Variants in GRIK3 observed in about 807,000 individuals in gnomAD.
GRIK3 encodes glutamate receptor ionotropic, kainate 3.
In GRIK3, 29 loss-of-function variants were observed where a neutral mutation model predicts 102.5. The observed-to-expected ratio is 0.28, with a 90% CI of 0.21 to 0.39. GRIK3 has a LOEUF of 0.39. Among genes scored for constraint, GRIK3 ranks in the 10% least tolerant of loss-of-function variants. The pLI is 1.00. For missense variants in GRIK3, 908 were observed against 1,252.4 expected (o/e 0.73, Z 4.15); for synonymous variants, 511 against 504.9 (o/e 1.01, Z -0.16).
Position 37,008,375 on chromosome 1 carries a change from G to T in GRIK3, c.115+25619C>A, listed in dbSNP as rs187427683. Among the ~76,000 whole-genome samples the T allele has an allele frequency of 4.8e-4, 73 of 152,344 alleles. 1 individual carries two copies. The highest frequency in any genetic ancestry group is 4.4e-3 in the Admixed American group (68 of 15,308). ...GTGAGGACTGAAATGATTGCATAAA[G>T]AAATCGCCCAGGACAGTGCCTTCAC... On this transcript the variant is annotated intron_variant, in intron 1 of 15. Coordinates refer to ENST00000373091, the MANE Select transcript of GRIK3 (RefSeq NM_000831.4).
At chr1:36,883,853 T>G (rs915129041) in intron 2 of GRIK3, among the ~76,000 whole-genome samples, 5 of 152,236 alleles carry the variant, frequency 3.3e-5, no homozygotes, top group African/African-American at 7.2e-5. Flanking sequence ...TGTTTCCTGT[T>G]GACTCACATC....
intron 4 of GRIK3, among the ~76,000 whole-genome samples, chr1:36,870,642 C>A (rs1640832717): frequency 6.6e-6 from 1 of 152,218 alleles, no homozygotes; most frequent in Non-Finnish European, 1.5e-5. Flanking sequence ...TCATTTAAAT[C>A]TGGCTTTGGC....
rs180912263 is a variant in GRIK3, at chr1:36,834,568, C to G, written c.1530+7168G>C. Among the ~76,000 whole-genome samples, 441 of 152,240 alleles carry G rather than the reference C, an allele frequency of 2.9e-3. 2 individuals are homozygous for G. Among genetic ancestry groups the G allele is most frequent in the Non-Finnish European group, 4.5e-3 (307 of 68,008 alleles). Reference sequence around the variant, plus strand: ...GCCTCCTGAGCTGATGGATGTCTGACAGTGAGAAAGGATGGGTGTGCCTCT... The same window carrying G: ...GCCTCCTGAGCTGATGGATGTCTGAGAGTGAGAAAGGATGGGTGTGCCTCT... On this transcript the variant is annotated intron_variant, in intron 10 of 15. Transcript: ENST00000373091.
intron 9 of GRIK3, among the ~76,000 whole-genome samples, chr1:36,846,520 T>A (rs1640521566): frequency 1.3e-5 from 2 of 152,108 alleles, no homozygotes; most frequent in South Asian, 4.2e-4. Context: ...CAGTTTGATG[T>A]TGTGTACTGG....
intron 13 of GRIK3, among the ~76,000 whole-genome samples, chr1:36,814,174 G>A (rs1400692001): frequency 6.6e-6 from 1 of 152,138 alleles, no homozygotes; most frequent in Non-Finnish European, 1.5e-5. Context: ...GCTCGGTGGG[G>A]AGCTGGGGCT....
chr1:36,879,835 TCTC>T (rs541260115), intron 3 of GRIK3, among the ~76,000 whole-genome samples: 127 of 152,220 alleles, frequency 8.3e-4, no homozygotes, highest in African/African-American at 2.7e-3. Flanking sequence ...CCAGAGCCCA[TCTC>T]CTCTTTCTGT....
intron 10 of GRIK3, among the ~76,000 whole-genome samples, chr1:36,832,342 G>A (rs113992081): frequency 5.3e-5 from 8 of 152,274 alleles, no homozygotes; most frequent in Admixed American, 1.3e-4. Flanking sequence ...CCCAGCGAGC[G>A]TGTCCTCTGG....
chr1:37,021,906 C>G (rs1272649107), intron 1 of GRIK3, among the ~76,000 whole-genome samples: 10 of 152,200 alleles, frequency 6.6e-5, no homozygotes, highest in Non-Finnish European at 1.5e-4. Context: ...AAAGGAAAGT[C>G]ACTACTCACT....
intron 9 of GRIK3, among the ~76,000 whole-genome samples, chr1:36,842,572 C>G (rs987507402): frequency 3.3e-5 from 5 of 152,196 alleles, no homozygotes; most frequent in Non-Finnish European, 1.5e-5. Context: ...CTCCTCAGTC[C>G]CCTGTGTTAG....
At chr1:36,932,751 T>C (rs1641609851) in intron 1 of GRIK3, among the ~76,000 whole-genome samples, 1 of 152,180 alleles carries the variant, frequency 6.6e-6, no homozygotes, top group Admixed American at 6.5e-5. Flanking sequence ...TTGAAGAGGA[T>C]AGAGAGGCAG....
chr1:36,826,699 A>C (rs1307280294), intron 10 of GRIK3, among the ~76,000 whole-genome samples: 1 of 151,784 alleles, frequency 6.6e-6, no homozygotes, highest in Non-Finnish European at 1.5e-5. Context: ...AAAAAAAGAA[A>C]AGAAACAAAA....
chr1:36,896,891 GA>G (rs528360554), intron 1 of GRIK3, among the ~76,000 whole-genome samples: 1 of 151,980 alleles, frequency 6.6e-6, no homozygotes. Context: ...CAGAATAAAG[GA>G]AAAAAATGCG....
intron 1 of GRIK3, among the ~76,000 whole-genome samples, chr1:36,970,625 T>G (rs1386398083): frequency 6.6e-6 from 1 of 152,196 alleles, no homozygotes; most frequent in East Asian, 1.9e-4. Context: ...CTGATTGGAA[T>G]AAGTCTCCCC....
chr1:36,985,934 C>T (rs900465530), intron 1 of GRIK3, among the ~76,000 whole-genome samples: 5 of 152,276 alleles, frequency 3.3e-5, no homozygotes, highest in Admixed American at 3.3e-4. Flanking sequence ...TTCCCTCCCC[C>T]TCCTCCTCAC....
intron 1 of GRIK3, among the ~76,000 whole-genome samples, chr1:37,026,297 G>C (rs1345630018): frequency 6.6e-6 from 1 of 152,236 alleles, no homozygotes; most frequent in Non-Finnish European, 1.5e-5. Flanking sequence ...GGGTACCTCT[G>C]TTGCTCCCTA....
chr1:36,986,130 T>A (rs144230269), intron 1 of GRIK3, among the ~76,000 whole-genome samples: 251 of 152,188 alleles, frequency 1.6e-3, no homozygotes, highest in African/African-American at 5.3e-3. Flanking sequence ...ACCCAGACTC[T>A]CTATCTCCTC....
intron 1 of GRIK3, among the ~76,000 whole-genome samples, chr1:36,938,653 C>T (rs553277965): frequency 1.2e-4 from 18 of 152,054 alleles, no homozygotes; most frequent in African/African-American, 2.2e-4. Flanking sequence ...TTGTGTCACC[C>T]CCCAGCCCCA....
intron 7 of GRIK3, among the ~76,000 whole-genome samples, chr1:36,854,010 G>A (rs1430712830): frequency 1.3e-5 from 2 of 152,212 alleles, no homozygotes; most frequent in Non-Finnish European, 2.9e-5. Flanking sequence ...GGAAGGGGGA[G>A]CCCATGTCAG....
At position 36,865,584 on chromosome 1, in the gene GRIK3, G is replaced by A. The variant is rs1326666752; in HGVS notation, c.786+4164C>T. Among the ~76,000 whole-genome samples, 5 of 152,216 alleles carry A rather than the reference G, an allele frequency of 3.3e-5. No individual in the cohort carries two copies. The East Asian group carries it at 9.6e-4, about 29-fold the overall frequency. On this transcript the variant is annotated intron_variant, in intron 5 of 15. Coordinates refer to ENST00000373091, the MANE Select transcript of GRIK3 (RefSeq NM_000831.4). ...TCCAACCGATGGGGTTCTGCTGGGAGATACTCTGGGAGACCCCGCCCCATA... is the reference window on the plus strand; with the variant it reads ...TCCAACCGATGGGGTTCTGCTGGGAAATACTCTGGGAGACCCCGCCCCATA...
Sources: gnomAD v4.1 joint callset for allele counts (sites outside exome capture counted in the v4.1 genomes callset) on GRCh38, gnomAD v4.1.1 for gene constraint, MANE v1.5 for transcripts, NCBI Gene and HGNC (gene_info 2026-07-23, HGNC 2026-07-21) for gene names.